ARMH3: variants seen among roughly 807,000 people sequenced by gnomAD.
ARMH3 encodes the protein armadillo-like helical domain-containing protein 3.
In ARMH3, 60 loss-of-function variants were observed where a neutral mutation model predicts 99.1. The ratio of observed to expected loss-of-function variants is 0.61; its 90% CI spans 0.49 to 0.75. The LOEUF (loss-of-function observed/expected upper bound fraction) is 0.75, where lower values mean the gene tolerates loss of function less well. ARMH3 is among the 30% of genes least tolerant of loss of function. The pLI is 0.00. For missense variants in ARMH3, 679 were observed against 843.1 expected (o/e 0.81, Z 2.41); for synonymous variants, 285 against 292.8 (o/e 0.97, Z 0.27).
intron 8 of ARMH3, among the ~76,000 whole-genome samples, chr10:102,015,370 TAG>T (rs1277059711): frequency 1.3e-5 from 2 of 151,590 alleles, no homozygotes; most frequent in Non-Finnish European, 2.9e-5. Flanking sequence ...CACCCAAAAG[TAG>T]ACTGTTTAAG....
intron 2 of ARMH3, among the ~76,000 whole-genome samples, chr10:102,034,092 A>T (rs2067195088): frequency 6.6e-6 from 1 of 152,234 alleles, no homozygotes; most frequent in South Asian, 2.1e-4. Flanking sequence ...ACACAAGTTC[A>T]GGAGCCAGAA....
intron 23 of ARMH3, among the ~76,000 whole-genome samples, chr10:101,933,533 T>C (rs1254975828): frequency 6.6e-6 from 1 of 152,220 alleles, no homozygotes; most frequent in Non-Finnish European, 1.5e-5. Context: ...GGTTTTTTAA[T>C]TCTAGCTGTA....
chr10:101,951,130 C>T lies in ARMH3; in HGVS notation c.1705+5467G>A, dbSNP rs1844763798. 4.6e-5 allele frequency among the ~76,000 whole-genome samples: 7 copies of T among 152,152 alleles called. No homozygotes were observed. In the South Asian group the frequency reaches 1.5e-3, roughly 32 times the overall value. On this transcript the variant is annotated intron_variant, in intron 22 of 25. Coordinates refer to ENST00000370033, the MANE Select transcript of ARMH3 (RefSeq NM_024541.3). ...CAAGATTTTCATGTTGTAAAAACAACAAAACATTCGTGAGAAAAATCAGAC... is the reference window on the plus strand; with the variant it reads ...CAAGATTTTCATGTTGTAAAAACAATAAAACATTCGTGAGAAAAATCAGAC...
chr10:101,882,619 C>T (rs2067446029), intron 24 of ARMH3, among the ~76,000 whole-genome samples: 1 of 152,218 alleles, frequency 6.6e-6, no homozygotes, highest in Non-Finnish European at 1.5e-5. Context: ...CCTGCCTCAG[C>T]CTCCTGAGTA....
intron 23 of ARMH3, among the ~76,000 whole-genome samples, chr10:101,897,386 A>G (rs1354304791): frequency 6.6e-6 from 1 of 152,234 alleles, no homozygotes; most frequent in African/African-American, 2.4e-5. Context: ...TATGAAAATA[A>G]AAATTAAAAT....
At chr10:101,879,680 A>C (rs2067362679) in intron 24 of ARMH3, among the ~76,000 whole-genome samples, 2 of 152,156 alleles carry the variant, frequency 1.3e-5, no homozygotes, top group African/African-American at 4.8e-5. Context: ...TAAATAACCC[A>C]TATAAAAGTG....
chr10:101,856,281 C>A (rs779767959), intron 24 of ARMH3, among the ~76,000 whole-genome samples: 1 of 152,196 alleles, frequency 6.6e-6, no homozygotes, highest in Non-Finnish European at 1.5e-5. Flanking sequence ...TCACTCCAAA[C>A]TCATTGTCAG....
intron 23 of ARMH3, among the ~76,000 whole-genome samples, chr10:101,908,798 G>A (rs973518358): frequency 5.3e-5 from 8 of 151,356 alleles, no homozygotes; most frequent in South Asian, 2.1e-4. Flanking sequence ...TGAGTAGCTC[G>A]GATTACAGGC....
rs138703514 is a variant in ARMH3, at chr10:101,939,954, G to C, written c.1706-16C>G. ...AGCCTCAGGACTGCAAAGAAGGAAA[G>C]AACACAGATCTGTCAAACCCCCGGC... On this transcript the variant is annotated splice_polypyrimidine_tract_variant and intron_variant, in intron 22 of 25. Coordinates refer to ENST00000370033, the MANE Select transcript of ARMH3 (RefSeq NM_024541.3). 3.5e-4 allele frequency: 571 copies of C among 1,611,654 alleles called. 1 individual carries two copies. The Middle Eastern group carries it at 4.1e-3, about 12-fold the overall frequency.
Position 101,974,038 on chromosome 10 carries a change from T to G in ARMH3, c.1495+1174A>C, listed in dbSNP as rs1171350614. On this transcript the variant is annotated intron_variant, in intron 20 of 25. Coordinates refer to ENST00000370033, the MANE Select transcript of ARMH3 (RefSeq NM_024541.3). ...TACTGTTGGTCATTTCCATCTCTTT[T>G]GATCTCTCTTTAACTCTCCTGACAT... is the stretch of plus-strand genomic sequence containing the variant. 2.0e-5 allele frequency among the ~76,000 whole-genome samples: 3 copies of G among 152,186 alleles called. No homozygotes were observed. In the East Asian group the frequency reaches 5.8e-4, roughly 29 times the overall value.
At chr10:101,960,750 C>T (rs1239569847) in intron 20 of ARMH3, among the ~76,000 whole-genome samples, 3 of 151,890 alleles carry the variant, frequency 2.0e-5, no homozygotes, top group South Asian at 4.2e-4. Flanking sequence ...ATTAGCCAGG[C>T]ACGGTGGCGG....
chr10:101,873,403 T>G (rs994154633), intron 24 of ARMH3, among the ~76,000 whole-genome samples: 2 of 151,754 alleles, frequency 1.3e-5, no homozygotes, highest in Admixed American at 6.6e-5. Flanking sequence ...CAGGGCAAGA[T>G]TCTGTCAAAA....
intron 23 of ARMH3, among the ~76,000 whole-genome samples, chr10:101,920,667 G>C (rs1404910243): frequency 6.6e-6 from 1 of 152,032 alleles, no homozygotes; most frequent in African/African-American, 2.4e-5. Flanking sequence ...CAATAAAAAG[G>C]AACTAACTAC....
At position 101,849,754 on chromosome 10, in the gene ARMH3, G is replaced by A. The variant is rs1252062497; in HGVS notation, c.1977+22C>T. 3.7e-6 allele frequency: 6 copies of A among 1,601,830 alleles called. No individual in the cohort carries two copies. In the South Asian group the frequency reaches 6.6e-5, roughly 18 times the overall value. ...CTGGGGGCGGGCCCCTAAGACACAG[G>A]CAGAGGCGGTGGGGCACTCACCAGC... On this transcript the variant is annotated intron_variant, in intron 25 of 25. Coordinates refer to ENST00000370033, the MANE Select transcript of ARMH3 (RefSeq NM_024541.3).
intron 12 of ARMH3, 33 bp downstream of exon 12, chr10:102,009,944 C>T: frequency 1.9e-6 from 3 of 1,603,710 alleles, no homozygotes; most frequent in Non-Finnish European, 2.6e-6. Flanking sequence ...ACACTAAAGT[C>T]CAAGTCACTG....
chr10:101,881,543 CAT>C (rs1448112319), intron 24 of ARMH3, among the ~76,000 whole-genome samples: 2 of 152,008 alleles, frequency 1.3e-5, no homozygotes, highest in African/African-American at 4.8e-5. Context: ...TAAGTAGTGA[CAT>C]GTGTGGGGTT....
chr10:101,990,633 A>T (rs759877937), intron 18 of ARMH3, 22 bp from the exon 19 acceptor site: 3 of 1,575,358 alleles, frequency 1.9e-6, no homozygotes. Flanking sequence ...ATAGAGAAAA[A>T]CTGGATCAAT....
chr10:101,919,097 C>T (rs1175089050), intron 23 of ARMH3, among the ~76,000 whole-genome samples: 1 of 152,152 alleles, frequency 6.6e-6, no homozygotes, highest in African/African-American at 2.4e-5. Context: ...AGGGAGGACC[C>T]TCAGCAGAAG....
intron 24 of ARMH3, among the ~76,000 whole-genome samples, chr10:101,879,211 T>C (rs1003572047): frequency 3.3e-5 from 5 of 152,342 alleles, no homozygotes; most frequent in African/African-American, 1.2e-4. Context: ...CTGAAAAAGC[T>C]CAGGCTTTGT....
Sources: allele counts gnomAD v4.1 joint callset (sites outside exome capture counted in the v4.1 genomes callset), GRCh38; gene constraint gnomAD v4.1.1; transcripts MANE v1.5; gene names NCBI Gene and HGNC (gene_info 2026-07-23, HGNC 2026-07-21).